Variants in QTMAN observed in about 807,000 individuals in gnomAD.
The protein encoded by QTMAN is tRNA-queuosine alpha-mannosyltransferase.
chr2:144,263,173 A>AT, the QTMAN span, among the ~76,000 whole-genome samples: 196 of 140,976 alleles, frequency 1.4e-3, no homozygotes, highest in Middle Eastern at 7.4e-3. Context: ...TCCCTCTTTC[A>AT]TTTTTTTTTT....
At chr2:143,938,725 CCAGT>C in the QTMAN span, 3 of 151,964 alleles carry the variant, frequency 2.0e-5, no homozygotes, top group Non-Finnish European at 2.9e-5. Context: ...AAATGTGGTT[CCAGT>C]CAAATGATTT....
chr2:143,997,888 T>C, the QTMAN span, among the ~76,000 whole-genome samples: 1 of 152,130 alleles, frequency 6.6e-6, no homozygotes, highest in Non-Finnish European at 1.5e-5. Flanking sequence ...CTAGTTCTCC[T>C]AATGAGGAAC....
chr2:143,990,046 TG>T, the QTMAN span, among the ~76,000 whole-genome samples: 2 of 152,072 alleles, frequency 1.3e-5, no homozygotes, highest in African/African-American at 4.8e-5. Context: ...TCTCTCAGTG[TG>T]GGGGGCTTGC....
chr2:144,305,983 G>A, the QTMAN span, among the ~76,000 whole-genome samples: 4 of 152,140 alleles, frequency 2.6e-5, no homozygotes, highest in East Asian at 7.7e-4. Flanking sequence ...AGAAGATCAT[G>A]TCATCTACAA....
chr2:144,228,819 G>C, the QTMAN span, among the ~76,000 whole-genome samples: 1 of 152,122 alleles, frequency 6.6e-6, no homozygotes, highest in Non-Finnish European at 1.5e-5. Flanking sequence ...TTAGCCGGGC[G>C]TGATGGCATG....
At chr2:144,149,032 C>A in the QTMAN span, among the ~76,000 whole-genome samples, 32 of 151,758 alleles carry the variant, frequency 2.1e-4, no homozygotes, top group African/African-American at 7.5e-4. Context: ...AATGAATATG[C>A]CCACAAAAGG....
the QTMAN span, among the ~76,000 whole-genome samples, chr2:144,172,491 G>A: frequency 4.0e-5 from 6 of 151,818 alleles, no homozygotes; most frequent in African/African-American, 1.4e-4. Context: ...GGGCATAGTG[G>A]CACACACCTA....
the QTMAN span, among the ~76,000 whole-genome samples, chr2:144,307,901 C>A: frequency 6.6e-6 from 1 of 152,116 alleles, no homozygotes; most frequent in Non-Finnish European, 1.5e-5. Context: ...TGTTAATGCT[C>A]CCCAACCAAT....
the QTMAN span, among the ~76,000 whole-genome samples, chr2:143,971,798 T>C: frequency 2.6e-5 from 4 of 152,292 alleles, no homozygotes; most frequent in East Asian, 7.7e-4. Context: ...AATAAATCTG[T>C]AAATTGATCA....
the QTMAN span, among the ~76,000 whole-genome samples, chr2:144,034,979 C>G: frequency 6.6e-6 from 1 of 152,202 alleles, no homozygotes; most frequent in Non-Finnish European, 1.5e-5. Context: ...TCTGAGAAAA[C>G]AGATAGCATG....
At chr2:144,143,367 G>A in the QTMAN span, among the ~76,000 whole-genome samples, 28 of 151,916 alleles carry the variant, frequency 1.8e-4, no homozygotes, top group Non-Finnish European at 3.1e-4. Context: ...GAACACCACA[G>A]AATAAGTAGA....
At chr2:144,313,158 T>C in the QTMAN span, among the ~76,000 whole-genome samples, 34 of 152,142 alleles carry the variant, frequency 2.2e-4, no homozygotes, top group Non-Finnish European at 2.2e-4. Flanking sequence ...AACAGGGAAA[T>C]GTCACAAAAC....
chr2:143,940,561 C>T, the QTMAN span: 1 of 152,154 alleles, frequency 6.6e-6, no homozygotes, highest in South Asian at 2.1e-4. Flanking sequence ...CAGTCTAATA[C>T]CATATTAGAA....
chr2:144,096,090 A>G, the QTMAN span, among the ~76,000 whole-genome samples: 8 of 152,332 alleles, frequency 5.3e-5, no homozygotes, highest in East Asian at 1.5e-3. Flanking sequence ...CTCCATTATT[A>G]TAGATGTTTG....
At chr2:144,236,655 A>C in the QTMAN span, among the ~76,000 whole-genome samples, 1 of 152,192 alleles carries the variant, frequency 6.6e-6, no homozygotes, top group South Asian at 2.1e-4. Flanking sequence ...GGAAAAAATA[A>C]GGTGTGATCA....
chr2:144,181,010 T>A, the QTMAN span, among the ~76,000 whole-genome samples: 4 of 152,188 alleles, frequency 2.6e-5, no homozygotes, highest in Non-Finnish European at 4.4e-5. Flanking sequence ...TGAGCTATAT[T>A]TATCATATAC....
At chr2:144,001,328 G>A in the QTMAN span, among the ~76,000 whole-genome samples, 5 of 151,770 alleles carry the variant, frequency 3.3e-5, no homozygotes, top group Admixed American at 3.3e-4. Context: ...TCAATCTTAT[G>A]GTACATGTTT....
chr2:144,295,274 C>A, the QTMAN span: 2 of 152,158 alleles, frequency 1.3e-5, no homozygotes, highest in Non-Finnish European at 2.9e-5. Context: ...GCCTTTCCTA[C>A]CTGACCAGAG....
chr2:144,198,634 T>G, the QTMAN span, among the ~76,000 whole-genome samples: 1 of 152,148 alleles, frequency 6.6e-6, no homozygotes, highest in Non-Finnish European at 1.5e-5. Flanking sequence ...CCCTAAAACT[T>G]TCAGTTACAC....
Sources: allele counts gnomAD v4.1 joint callset (sites outside exome capture counted in the v4.1 genomes callset), GRCh38; gene constraint gnomAD v4.1.1; transcripts MANE v1.5; gene names NCBI Gene and HGNC (gene_info 2026-07-23, HGNC 2026-07-21).